The following CCDC191 variants were observed in gnomAD, a reference collection of about 807,000 sequenced individuals.
CCDC191 encodes coiled-coil domain-containing protein 191.
Under a neutral mutation model 114.0 loss-of-function variants are expected in CCDC191, and 99 were observed. That is an observed-to-expected ratio of 0.87 (90% CI 0.74 to 1.03). CCDC191 has a LOEUF of 1.03. Ranked by LOEUF, CCDC191 falls within the 50% of genes least tolerant of loss-of-function variation. The probability of loss-of-function intolerance (pLI) is 0.00; values close to 1 mark genes in which losing one functional copy is unlikely to be tolerated. For synonymous variants in CCDC191, 351 were observed against 376.0 expected, an observed-to-expected ratio of 0.93 and a Z score of 0.77; for missense variants, 973 against 1,087.0, an observed-to-expected ratio of 0.90 and a Z score of 1.47.
rs753171237 is a variant in CCDC191, at chr3:114,005,811, G to T, written c.1565C>A (p.Thr522Asn). ...LSAPGNKQHKTLGAEPSQQPG... is the reference protein window; with the variant it reads ...LSAPGNKQHKNLGAEPSQQPG... The stretch of plus-strand genomic sequence containing the variant: ...CTGTTGAGAGGGTTCAGCACCCAGG[G>T]TCTTGTGCTGCTTATTGCCAGGTGC... Residue 522 changes from threonine (T) to asparagine (N), a missense_variant, in exon 10 of 17, where the codon ACC becomes AAC. Transcript: ENST00000295878. The T allele has an allele frequency of 5.0e-6, 8 of 1,613,904 alleles. No homozygotes were observed. The highest frequency in any genetic ancestry group is 5.9e-6 in the Non-Finnish European group (7 of 1,179,976).
chr3:114,019,828 T>C (rs1452202340), intron 7 of CCDC191, among the ~76,000 whole-genome samples: 1 of 152,166 alleles, frequency 6.6e-6, no homozygotes, highest in Non-Finnish European at 1.5e-5. Context: ...AGCCCTCCTG[T>C]TACCAATCCC....
At chr3:114,003,436 C>T in intron 11 of CCDC191, 1 of 985,330 alleles carries the variant, frequency 1.0e-6, no homozygotes, top group Non-Finnish European at 1.2e-6. Flanking sequence ...ATGGTAGTGC[C>T]ACAGATGGCG....
intron 2 of CCDC191, among the ~76,000 whole-genome samples, chr3:114,052,670 T>C (rs1035764994): frequency 4.6e-5 from 7 of 152,226 alleles, no homozygotes; most frequent in African/African-American, 1.7e-4. Flanking sequence ...GCAGGGACTG[T>C]ACCTGCTCTG....
In CCDC191 at chr3:114,006,617, T is replaced by TATATATATATATATATAA. The variant is rs1482068610; in HGVS notation, c.1414-656_1414-655insTTATATATATATATATAT. Among the ~76,000 whole-genome samples the TATATATATATATATATAA allele has an allele frequency of 1.5e-3, 179 of 118,394 alleles. 2 individuals carry two copies. Among genetic ancestry groups the TATATATATATATATATAA allele is most frequent in the African/African-American group, 5.8e-3 (167 of 28,914 alleles). The allele number at this position is 118,394 out of a possible 152,430, so 77.7% of individuals were successfully genotyped here. A position where few individuals can be genotyped will look rare whatever the true frequency, so the allele number is the denominator to read the frequency against. On this transcript the variant is annotated intron_variant, in intron 9 of 16. Coordinates refer to ENST00000295878, the MANE Select transcript of CCDC191 (RefSeq NM_020817.2). ...ATATATATATATATATATATATATA[T>TATATATATATATATATAA]AAATATATATATTTTATATATAAAA...
intron 4 of CCDC191, among the ~76,000 whole-genome samples, chr3:114,039,675 G>A (rs1378658062): frequency 3.3e-5 from 5 of 151,068 alleles, no homozygotes; most frequent in Non-Finnish European, 5.9e-5. Flanking sequence ...TCCTGGTTCT[G>A]TATAGGCCTA....
chr3:113,997,446 A>G (rs371328055), intron 13 of CCDC191, among the ~76,000 whole-genome samples: 54 of 152,316 alleles, frequency 3.5e-4, no homozygotes, highest in East Asian at 3.5e-3. Context: ...CCCAGTAGCA[A>G]TTAGACCCTC....
At chr3:114,033,153 A>G (rs2076432702) in intron 6 of CCDC191, among the ~76,000 whole-genome samples, 1 of 150,842 alleles carries the variant, frequency 6.6e-6, no homozygotes, top group African/African-American at 2.4e-5. Context: ...GCTGGAGTGC[A>G]GTGGCATGAT....
intron 7 of CCDC191, among the ~76,000 whole-genome samples, chr3:114,028,772 T>A (rs936132857): frequency 2.0e-5 from 3 of 150,274 alleles, no homozygotes; most frequent in Non-Finnish European, 4.4e-5. Context: ...ATTTTATATA[T>A]ATTTATATAT....
rs949806484 is a variant in CCDC191, at chr3:113,999,993, C to T, written c.2163+1602G>A. ...GTATCATGTTAGGTGGAATTATGAT[C>T]GTGCTATTGTCTTTATTTGCAGATT... On this transcript the variant is annotated intron_variant, in intron 13 of 16. Transcript: ENST00000295878. Among the ~76,000 whole-genome samples, 3 of 152,170 alleles carry T rather than the reference C, an allele frequency of 2.0e-5. No homozygotes were observed. The East Asian group carries it at 5.8e-4, about 29-fold the overall frequency.
intron 16 of CCDC191, among the ~76,000 whole-genome samples, chr3:113,967,570 G>A (rs1940338421): frequency 6.6e-6 from 1 of 152,120 alleles, no homozygotes; most frequent in Non-Finnish European, 1.5e-5. Flanking sequence ...TTCATGTAAT[G>A]TGTAAAGATC....
rs572489038 is a variant in CCDC191, at chr3:114,005,802, G to A, written c.1574C>T (p.Ala525Val). 1.2e-6 allele frequency: 2 copies of A among 1,614,090 alleles called. No individual in the cohort carries two copies. The highest frequency in any genetic ancestry group is 1.7e-6 in the Non-Finnish European group (2 of 1,179,994). ...PGNKQHKTLG[A>V]EPSQQPGSNE... ...GCTGCCAGGCTGTTGAGAGGGTTCA[G>A]CACCCAGGGTCTTGTGCTGCTTATT... Residue 525 changes from alanine (A) to valine (V), a missense_variant, in exon 10 of 17, where the codon GCT (alanine) becomes GTT (valine). Coordinates refer to ENST00000295878, the MANE Select transcript of CCDC191 (RefSeq NM_020817.2).
chr3:114,018,418 T>G (rs960421697), intron 8 of CCDC191, among the ~76,000 whole-genome samples: 1 of 152,084 alleles, frequency 6.6e-6, no homozygotes, highest in Non-Finnish European at 1.5e-5. Context: ...CGAGTGATCC[T>G]TCTGCCTTAG....
chr3:114,019,624 T>C (rs954179384), intron 7 of CCDC191, among the ~76,000 whole-genome samples: 2 of 152,240 alleles, frequency 1.3e-5, no homozygotes, highest in African/African-American at 4.8e-5. Flanking sequence ...TTTCAGCTTT[T>C]GGCCTTGACA....
intron 16 of CCDC191, among the ~76,000 whole-genome samples, chr3:113,970,399 ATCCT>A (rs973584470): frequency 1.3e-5 from 2 of 151,896 alleles, no homozygotes; most frequent in African/African-American, 4.8e-5. Flanking sequence ...GCCTCAAGTG[ATCCT>A]TCCATAGTGG....
At chr3:113,999,497 T>G (rs530997215) in intron 13 of CCDC191, among the ~76,000 whole-genome samples, 1 of 152,290 alleles carries the variant, frequency 6.6e-6, no homozygotes, top group East Asian at 1.9e-4. Flanking sequence ...CTCTTAGTAT[T>G]AACATTGTCC....
intron 2 of CCDC191, among the ~76,000 whole-genome samples, chr3:114,047,449 C>A (rs1010305087): frequency 1.3e-5 from 2 of 152,088 alleles, no homozygotes; most frequent in African/African-American, 4.8e-5. Context: ...ACTGCCTAAG[C>A]TCAGGAGTTT....
At chr3:113,967,397 TTCTC>T (rs1940312031) in intron 16 of CCDC191, among the ~76,000 whole-genome samples, 1 of 152,034 alleles carries the variant, frequency 6.6e-6, no homozygotes, top group African/African-American at 2.4e-5. Flanking sequence ...TTCCCTACAT[TTCTC>T]TTTCTTTCCC....
At position 113,978,288 on chromosome 3, in the gene CCDC191, T is replaced by C. The variant is rs1458181235; in HGVS notation, c.2504A>G (p.His835Arg). The C allele has an allele frequency of 6.2e-6, 10 of 1,613,960 alleles. No homozygotes were observed. The South Asian group carries it at 6.6e-5, about 11-fold the overall frequency. ...CCTGAAAATCTTCTTTTGAAGAAAA[T>C]GTACACAAAATTTTCTTACTTCTTC... ...LQEEVRKFCV[H>R]FLQKKIFRAW... Residue 835 changes from histidine to arginine, a missense_variant, in exon 16 of 17, where the codon CAT becomes CGT. Transcript: ENST00000295878.
chr3:113,989,394 G>C (rs2075481324), intron 13 of CCDC191, among the ~76,000 whole-genome samples: 1 of 152,140 alleles, frequency 6.6e-6, no homozygotes, highest in Non-Finnish European at 1.5e-5. Context: ...CATTCACTGA[G>C]ATAGACAATA....
Sources: gnomAD v4.1 joint callset for allele counts (sites outside exome capture counted in the v4.1 genomes callset) on GRCh38, gnomAD v4.1.1 for gene constraint, MANE v1.5 for transcripts, NCBI Gene and HGNC (gene_info 2026-07-23, HGNC 2026-07-21) for gene names.